Variants in UNC93A observed in about 807,000 individuals in gnomAD.
The protein encoded by UNC93A is unc-93 homolog A, also known as N-acetylglucosamine transporter UNC93A.
A neutral mutation model predicts 47.5 loss-of-function variants in UNC93A; 43 were observed. That is an observed-to-expected ratio of 0.91 (90% CI 0.71 to 1.17). The LOEUF is 1.17. Ranked by LOEUF, UNC93A falls within the 50% of genes most tolerant of loss-of-function variation. The pLI, the probability that UNC93A is intolerant of heterozygous loss-of-function variation, is 0.00. For synonymous variants in UNC93A, 280 were observed against 258.0 expected (o/e 1.09, Z -0.82); for missense variants, 605 against 577.6 (o/e 1.05, Z -0.49).
chr6:167,309,297 A>C (rs1778491470), intron 7 of UNC93A, among the ~76,000 whole-genome samples: 1 of 152,196 alleles, frequency 6.6e-6, no homozygotes, highest in Non-Finnish European at 1.5e-5. Context: ...TAGGAAGAGA[A>C]GGAAGCTGGG....
chr6:167,298,106 C>A (rs1395662802), intron 4 of UNC93A, 36 bp downstream of exon 4: 2 of 1,597,862 alleles, frequency 1.3e-6, no homozygotes, highest in East Asian at 2.2e-5. Flanking sequence ...GGGTCCCTAG[C>A]AAAGCAGAGC....
chr6:167,304,129 C>G lies in UNC93A; in HGVS notation c.836C>G (p.Thr279Arg), dbSNP rs747776544. 6.2e-7 allele frequency: 1 copy of G among 1,614,186 alleles called. No homozygotes were observed. The highest frequency in any genetic ancestry group is 1.1e-5 in the South Asian group (1 of 91,068). Residue 279 changes from threonine (T) to arginine (R), a missense_variant, in exon 5 of 8, where the codon ACA (threonine) becomes AGA (arginine). Transcript: ENST00000230256. ...LQQGFLSSEY[T>R]RSYVTCTLGI... is the part of the protein sequence containing the mutation. The stretch of plus-strand genomic sequence containing the variant: ...CAAGGATTCCTCTCCAGCGAATACA[C>G]AAGGGTATGAACGAAAGTGAGGGCC...
At chr6:167,287,716 TGTGTGTGTGCATGC>T (rs945749310), upstream of UNC93A, among the ~76,000 whole-genome samples, 7 of 145,902 alleles carry the variant, frequency 4.8e-5, no homozygotes, top group Non-Finnish European at 7.6e-5. Flanking sequence ...TGTGCATATG[TGTGTGTGTGCATGC>T]GTGTGTGCAT....
At chr6:167,295,726 T>TCCC (rs1562350634) in intron 2 of UNC93A, among the ~76,000 whole-genome samples, 1 of 140,356 alleles carries the variant, frequency 7.1e-6, no homozygotes, top group Admixed American at 7.0e-5. Flanking sequence ...GCTCCTCGCC[T>TCCC]TCCTCGTGCT....
intron 7 of UNC93A, among the ~76,000 whole-genome samples, chr6:167,313,924 G>A (rs1364038155): frequency 6.6e-6 from 1 of 152,120 alleles, no homozygotes; most frequent in African/African-American, 2.4e-5. Context: ...TTATTAAGGT[G>A]GACAATGTGC....
chr6:167,280,873 A>C (rs1392752490), intron 1 of UNC93A, among the ~76,000 whole-genome samples: 4 of 152,122 alleles, frequency 2.6e-5, no homozygotes, highest in East Asian at 1.9e-4. Context: ...GCAGGCCCTT[A>C]ACTTGAACTT....
intron 1 of UNC93A, among the ~76,000 whole-genome samples, chr6:167,274,864 A>G (rs1432694709): frequency 5.3e-5 from 8 of 151,432 alleles, no homozygotes; most frequent in Admixed American, 1.3e-4. Flanking sequence ...CCAAGCTCAC[A>G]GTGCAAATTG....
chr6:167,281,000 A>C (rs1266614599), intron 1 of UNC93A, among the ~76,000 whole-genome samples: 1 of 152,108 alleles, frequency 6.6e-6, no homozygotes. Flanking sequence ...AAGCAAATCA[A>C]CCTATTTTTC....
intron 4 of UNC93A, among the ~76,000 whole-genome samples, chr6:167,301,872 A>G (rs1778249378): frequency 6.6e-6 from 1 of 152,150 alleles, no homozygotes; most frequent in Non-Finnish European, 1.5e-5. Flanking sequence ...TGATCATTGT[A>G]AATACCCTAT....
intron 5 of UNC93A, among the ~76,000 whole-genome samples, chr6:167,305,483 C>T (rs550756445): frequency 6.6e-6 from 1 of 152,076 alleles, no homozygotes; most frequent in Non-Finnish European, 1.5e-5. Context: ...GACACATGTG[C>T]AGCCGGCTGC....
chr6:167,287,523 C>G (rs1287323743), upstream of UNC93A, among the ~76,000 whole-genome samples: 1 of 152,158 alleles, frequency 6.6e-6, no homozygotes, highest in East Asian at 1.9e-4. Context: ...AGACCCCTGG[C>G]CCTTTTATCA....
intron 7 of UNC93A, among the ~76,000 whole-genome samples, chr6:167,310,978 C>T (rs1216816564): frequency 1.3e-5 from 2 of 152,206 alleles, no homozygotes; most frequent in East Asian, 1.9e-4. Flanking sequence ...TTTAGTGCCG[C>T]GTTCCTGCAC....
chr6:167,303,607 G>A (rs1778300642), intron 4 of UNC93A, among the ~76,000 whole-genome samples: 1 of 152,096 alleles, frequency 6.6e-6, no homozygotes, highest in Non-Finnish European at 1.5e-5. Context: ...AGAGTCCAAT[G>A]GTTAAGGACA....
intron 7 of UNC93A, 42 bp downstream of exon 7, chr6:167,307,952 G>C: frequency 6.2e-7 from 1 of 1,607,730 alleles, no homozygotes; most frequent in Non-Finnish European, 8.5e-7. Context: ...GGCAGCAGGG[G>C]GCGGTCCCTG....
chr6:167,296,323 G>A lies in UNC93A; in HGVS notation c.499+62G>A. 7.1e-6 allele frequency: 11 copies of A among 1,553,298 alleles called. No homozygotes were observed. In the South Asian group the frequency reaches 1.2e-4, roughly 18 times the overall value. ...GAGCAGGGGTTTCAGTGATGGGGGA[G>A]AGGGTTCCTGATTTCAGTTGCACAC... is the stretch of plus-strand genomic sequence containing the variant. On this transcript the variant is annotated intron_variant, in intron 3 of 7. Coordinates refer to ENST00000230256, the MANE Select transcript of UNC93A (RefSeq NM_018974.4).
At chr6:167,280,264 G>A (rs1783610273) in intron 1 of UNC93A, among the ~76,000 whole-genome samples, 1 of 152,134 alleles carries the variant, frequency 6.6e-6, no homozygotes, top group South Asian at 2.1e-4. Context: ...GAGCTCAGAT[G>A]GTGCCTTCAA....
At chr6:167,293,898 G>A (rs1216729264) in intron 1 of UNC93A, among the ~76,000 whole-genome samples, 1 of 152,206 alleles carries the variant, frequency 6.6e-6, no homozygotes, top group Non-Finnish European at 1.5e-5. Flanking sequence ...TCTGGATGGG[G>A]CACCCAGCAC....
At chr6:167,276,781 G>A (rs1463857253) in intron 1 of UNC93A, among the ~76,000 whole-genome samples, 1 of 152,184 alleles carries the variant, frequency 6.6e-6, no homozygotes, top group Admixed American at 6.5e-5. Context: ...ATGTATTTAT[G>A]GGTAGCATTC....
chr6:167,295,510 T>TCCCTC (rs1778045591), intron 2 of UNC93A, among the ~76,000 whole-genome samples: 1 of 95,668 alleles, frequency 1.0e-5, no homozygotes, highest in African/African-American at 6.9e-5. Flanking sequence ...GATCCTCGCC[T>TCCCTC]GCCTCGTGCT....
Sources: gnomAD v4.1 joint callset for allele counts (sites outside exome capture counted in the v4.1 genomes callset) on GRCh38, gnomAD v4.1.1 for gene constraint, MANE v1.5 for transcripts, NCBI Gene and HGNC (gene_info 2026-07-23, HGNC 2026-07-21) for gene names.